Variants in CECR2 observed in about 807,000 individuals in gnomAD.
The protein encoded by CECR2 is CECR2 histone acetyl-lysine reader, also known as chromatin remodeling regulator CECR2.
CECR2 carries 30 observed loss-of-function variants against 154.5 expected under a neutral mutation model. The observed-to-expected ratio is 0.19, with a 90% CI of 0.15 to 0.26. The LOEUF (loss-of-function observed/expected upper bound fraction) is 0.26. CECR2 is among the 10% of genes least tolerant of loss of function. The pLI is 1.00. For missense variants in CECR2, 1,743 were observed against 1,829.3 expected (o/e 0.95, Z 0.86); for synonymous variants, 725 against 683.7 (o/e 1.06, Z -0.94).
chr22:17,479,236 T>C (rs1464429865), intron 2 of CECR2, among the ~76,000 whole-genome samples: 2 of 152,184 alleles, frequency 1.3e-5, no homozygotes, highest in East Asian at 3.8e-4. Flanking sequence ...TTTTGCCAGG[T>C]TTCCCGTCAC....
chr22:17,417,353 T>C (rs1277374090), intron 1 of CECR2, among the ~76,000 whole-genome samples: 1 of 152,206 alleles, frequency 6.6e-6, no homozygotes, highest in East Asian at 1.9e-4. Flanking sequence ...AAAGGTGTTA[T>C]TGCTACGATT....
intron 1 of CECR2, among the ~76,000 whole-genome samples, chr22:17,422,992 G>A (rs554184561): frequency 8.5e-5 from 13 of 152,128 alleles, no homozygotes; most frequent in South Asian, 8.3e-4. Context: ...CCACTTCCCT[G>A]CCCTCTCTCA....
At chr22:17,527,705 G>A (rs2056287909) in intron 9 of CECR2, among the ~76,000 whole-genome samples, 1 of 151,526 alleles carries the variant, frequency 6.6e-6, no homozygotes, top group Non-Finnish European at 1.5e-5. Context: ...AGACAGAGGT[G>A]GCAGTGAGCA....
chr22:17,460,910 G>A (rs1380736928), intron 1 of CECR2, among the ~76,000 whole-genome samples: 1 of 152,082 alleles, frequency 6.6e-6, no homozygotes, highest in Non-Finnish European at 1.5e-5. Flanking sequence ...TCTCTTCTGG[G>A]GTTAGCAGCA....
intron 8 of CECR2, among the ~76,000 whole-genome samples, chr22:17,512,397 G>A (rs1463982222): frequency 6.6e-6 from 1 of 151,582 alleles, no homozygotes; most frequent in Admixed American, 6.6e-5. Flanking sequence ...AAATATATAT[G>A]GTCAAAAAAC....
rs920845903 is a variant in CECR2, at chr22:17,553,584, C to T, written c.*744C>T. The T allele has an allele frequency of 6.6e-6, 1 of 152,246 alleles. No individual in the cohort carries two copies. The highest frequency in any genetic ancestry group is 2.4e-5 in the African/African-American group (1 of 41,460). 9.4% of individuals were successfully genotyped at this position (152,246 alleles called of 1,614,324 possible). A position where few individuals can be genotyped will look rare whatever the true frequency, so the allele number is the denominator to read the frequency against. On this transcript the variant is annotated 3_prime_UTR_variant, in exon 19 of 19. Coordinates refer to ENST00000262608, the MANE Select transcript of CECR2 (RefSeq NM_001290047.2). ...TTCCAGTCAGCCTGAGAGAGAACACCTGTCCCCTAAGCACCTGGTGTCTCC... is the reference window on the plus strand; with the variant it reads ...TTCCAGTCAGCCTGAGAGAGAACACTTGTCCCCTAAGCACCTGGTGTCTCC...
upstream of CECR2, among the ~76,000 whole-genome samples, chr22:17,365,543 A>C (rs2062997787): frequency 6.6e-6 from 1 of 150,402 alleles, no homozygotes; most frequent in Non-Finnish European, 1.5e-5. Flanking sequence ...AAATACAAAA[A>C]AAATCAGCCA....
intron 1 of CECR2, among the ~76,000 whole-genome samples, chr22:17,394,405 T>A (rs2053777801): frequency 6.6e-6 from 1 of 151,778 alleles, no homozygotes; most frequent in African/African-American, 2.4e-5. Context: ...GACAGGGTCT[T>A]ACTATGCTAT....
chr22:17,552,556 G>A (rs1361820059), intron 18 of CECR2, among the ~76,000 whole-genome samples: 1 of 152,010 alleles, frequency 6.6e-6, no homozygotes, highest in Non-Finnish European at 1.5e-5. Flanking sequence ...TCTCTCCCAT[G>A]CAGTCTTTCC....
chr22:17,431,708 T>C (rs2146637823), intron 1 of CECR2, among the ~76,000 whole-genome samples: 1 of 152,256 alleles, frequency 6.6e-6, no homozygotes, highest in African/African-American at 2.4e-5. Flanking sequence ...AAAAAAAGAC[T>C]AAAGTGGTAA....
intron 1 of CECR2, among the ~76,000 whole-genome samples, chr22:17,460,138 C>G (rs761002840): frequency 6.6e-6 from 1 of 152,140 alleles, no homozygotes; most frequent in Non-Finnish European, 1.5e-5. Flanking sequence ...TTTGATAGCC[C>G]CTCACCTATG....
intron 2 of CECR2, among the ~76,000 whole-genome samples, chr22:17,479,353 C>T (rs2055265678): frequency 6.6e-6 from 1 of 152,186 alleles, no homozygotes. Context: ...GCAGCACAAA[C>T]ACTCACCAGA....
intron 1 of CECR2, among the ~76,000 whole-genome samples, chr22:17,433,102 C>T (rs1424668917): frequency 6.6e-6 from 1 of 152,154 alleles, no homozygotes; most frequent in Non-Finnish European, 1.5e-5. Flanking sequence ...TCCTTTATCG[C>T]TTATATCGTT....
At chr22:17,433,050 C>A (rs934629542) in intron 1 of CECR2, among the ~76,000 whole-genome samples, 5 of 152,312 alleles carry the variant, frequency 3.3e-5, no homozygotes, top group Middle Eastern at 3.4e-3. Context: ...TCGTGTGTTA[C>A]ATTTCTGGTT....
intron 1 of CECR2, among the ~76,000 whole-genome samples, chr22:17,441,179 C>T (rs2054579617): frequency 1.3e-5 from 2 of 152,170 alleles, no homozygotes; most frequent in Non-Finnish European, 2.9e-5. Context: ...GAACTCCTGA[C>T]CTCAGGTGAT....
At chr22:17,361,535 G>A (rs1415686993) in intron 1 of CECR2, among the ~76,000 whole-genome samples, 1 of 150,896 alleles carries the variant, frequency 6.6e-6, no homozygotes, top group Non-Finnish European at 1.5e-5. Context: ...AGGTTACATA[G>A]TAATAGCAAG....
At chr22:17,540,378 A>G (rs1422984098) in intron 13 of CECR2, 34 bp from the exon 14 acceptor site, 3 of 1,473,762 alleles carry the variant, frequency 2.0e-6, no homozygotes, top group African/African-American at 2.8e-5. Context: ...TCTGTAAACT[A>G]TACCTAGAAG....
chr22:17,379,025 C>T (rs1234084720), intron 1 of CECR2, among the ~76,000 whole-genome samples: 2 of 152,192 alleles, frequency 1.3e-5, no homozygotes, highest in Admixed American at 6.5e-5. Flanking sequence ...GGTGCGATCT[C>T]GGCTCACTGC....
chr22:17,427,026 A>C (rs550699293), intron 1 of CECR2, among the ~76,000 whole-genome samples: 1 of 151,152 alleles, frequency 6.6e-6, no homozygotes, highest in Admixed American at 6.6e-5. Context: ...CCACCCCACG[A>C]CAGGCCCTGG....
Sources: allele counts gnomAD v4.1 joint callset (sites outside exome capture counted in the v4.1 genomes callset), GRCh38; gene constraint gnomAD v4.1.1; transcripts MANE v1.5; gene names NCBI Gene and HGNC (gene_info 2026-07-23, HGNC 2026-07-21).